MECOM: variants seen among roughly 807,000 people sequenced by gnomAD.
MECOM encodes the protein MDS1 and EVI1 complex locus, also known as histone-lysine N-methyltransferase MECOM.
In MECOM, 13 loss-of-function variants were observed where a neutral mutation model predicts 116.3. That is an observed-to-expected ratio of 0.11 (90% CI 0.07 to 0.18). MECOM has a LOEUF of 0.18. Among genes scored for constraint, MECOM ranks in the 10% least tolerant of loss-of-function variants. MECOM has a pLI of 1.00. For synonymous variants in MECOM, 528 were observed against 535.2 expected (o/e 0.99, Z 0.19); for missense variants, 1,299 against 1,509.0 (o/e 0.86, Z 2.31).
intron 1 of MECOM, among the ~76,000 whole-genome samples, chr3:169,640,470 T>G (rs563574182): frequency 3.3e-5 from 5 of 152,234 alleles, no homozygotes; most frequent in Non-Finnish European, 7.3e-5. Flanking sequence ...GACACTTTAA[T>G]GGAATTTGAG....
intron 2 of MECOM, among the ~76,000 whole-genome samples, chr3:169,264,609 G>T (rs1195354046): frequency 1.3e-5 from 2 of 152,132 alleles, no homozygotes; most frequent in African/African-American, 4.8e-5. Context: ...AGGTAAGAAA[G>T]CAGATACAGA....
intron 1 of MECOM, among the ~76,000 whole-genome samples, chr3:169,581,231 A>G (rs1318102641): frequency 6.6e-6 from 1 of 152,168 alleles, no homozygotes; most frequent in Non-Finnish European, 1.5e-5. Flanking sequence ...AGTCCTGGGA[A>G]AGATGGTTTT....
chr3:169,498,674 G>A (rs1467285840), intron 1 of MECOM, among the ~76,000 whole-genome samples: 1 of 152,096 alleles, frequency 6.6e-6, no homozygotes, highest in Non-Finnish European at 1.5e-5. Flanking sequence ...ATGAATTCAA[G>A]AAAATTCCCA....
At chr3:169,110,380 C>T (rs1486980516) in intron 9 of MECOM, among the ~76,000 whole-genome samples, 1 of 152,126 alleles carries the variant, frequency 6.6e-6, no homozygotes, top group Admixed American at 6.5e-5. Flanking sequence ...AAGCACAATG[C>T]TAAATATGTT....
At chr3:169,341,547 C>T (rs1410143915) in intron 2 of MECOM, among the ~76,000 whole-genome samples, 4 of 151,472 alleles carry the variant, frequency 2.6e-5, no homozygotes, top group Admixed American at 2.6e-4. Context: ...CGAGACCATC[C>T]TGGCCAACAA....
intron 16 of MECOM, among the ~76,000 whole-genome samples, chr3:169,085,682 AT>A (rs1375173334): frequency 6.6e-6 from 1 of 152,208 alleles, no homozygotes; most frequent in African/African-American, 2.4e-5. Flanking sequence ...TACCAAAAAA[AT>A]AAAACCAAAC....
intron 2 of MECOM, among the ~76,000 whole-genome samples, chr3:169,276,344 G>A (rs570107500): frequency 3.4e-4 from 52 of 152,224 alleles, no homozygotes; most frequent in African/African-American, 1.3e-3. Flanking sequence ...CTGAGATCAG[G>A]AATTTGAGAT....
In MECOM at chr3:169,643,180, G is replaced by A. The variant is rs77336769; in HGVS notation, c.37+20156C>T. Among the ~76,000 whole-genome samples the A allele has an allele frequency of 5.4e-3, 824 of 152,260 alleles. 2 individuals carry two copies. The highest frequency in any genetic ancestry group is 0.014 in the Middle Eastern group (4 of 294). ...AACAAACTCTGAAGCAAACCAGATT[G>A]TCATTTTTTTCTCAGGGAGCCTAAT... On this transcript the variant is annotated intron_variant, in intron 1 of 16. Coordinates refer to ENST00000651503, the MANE Select transcript of MECOM (RefSeq NM_004991.4).
chr3:169,527,039 A>G (rs1181827149), intron 1 of MECOM, among the ~76,000 whole-genome samples: 1 of 152,234 alleles, frequency 6.6e-6, no homozygotes, highest in Admixed American at 6.5e-5. Flanking sequence ...GTGAGCTGTT[A>G]AGAATGGAAA....
At chr3:169,115,285 A>C in intron 8 of MECOM, 98 bp downstream of exon 8, 3 of 1,245,410 alleles carry the variant, frequency 2.4e-6, no homozygotes, top group Non-Finnish European at 2.2e-6. Context: ...GTTTTATAAT[A>C]ATAGTAAAAA....
At chr3:169,441,623 T>A (rs1743686176) in intron 1 of MECOM, among the ~76,000 whole-genome samples, 1 of 152,136 alleles carries the variant, frequency 6.6e-6, no homozygotes. Context: ...GTTGCTACAA[T>A]GGACTTGTCT....
intron 1 of MECOM, among the ~76,000 whole-genome samples, chr3:169,631,072 G>A (rs1035544217): frequency 6.6e-6 from 1 of 152,226 alleles, no homozygotes; most frequent in African/African-American, 2.4e-5. Flanking sequence ...GCTCTGCAGT[G>A]GTGGAGCACA....
intron 3 of MECOM, among the ~76,000 whole-genome samples, chr3:169,132,228 A>G (rs1266773338): frequency 6.6e-6 from 1 of 152,130 alleles, no homozygotes; most frequent in Non-Finnish European, 1.5e-5. Flanking sequence ...TTTCTAGCAA[A>G]GTGCTGAGGA....
chr3:169,602,230 A>G (rs894746735), intron 1 of MECOM, among the ~76,000 whole-genome samples: 3 of 152,256 alleles, frequency 2.0e-5, no homozygotes, highest in African/African-American at 7.2e-5. Context: ...AGTAGCCAGC[A>G]GCCAACTTTC....
At chr3:169,580,829 G>GTGTTT (rs377091647) in intron 1 of MECOM, among the ~76,000 whole-genome samples, 11 of 152,294 alleles carry the variant, frequency 7.2e-5, no homozygotes, top group South Asian at 2.1e-4. Context: ...TTGTTAAATT[G>GTGTTT]TGTTTTGTTT....
intron 1 of MECOM, among the ~76,000 whole-genome samples, chr3:169,422,192 C>A (rs952417613): frequency 6.6e-6 from 1 of 152,010 alleles, no homozygotes; most frequent in Admixed American, 6.6e-5. Context: ...AGACTTTATT[C>A]ACATCCCTTT....
At chr3:169,291,662 A>G (rs1171892948) in intron 2 of MECOM, among the ~76,000 whole-genome samples, 2 of 152,222 alleles carry the variant, frequency 1.3e-5, no homozygotes, top group South Asian at 2.1e-4. Flanking sequence ...TCATTGTTAT[A>G]GCATCTATTA....
At chr3:169,541,932 C>T (rs1318556187) in intron 1 of MECOM, among the ~76,000 whole-genome samples, 2 of 152,160 alleles carry the variant, frequency 1.3e-5, no homozygotes, top group African/African-American at 4.8e-5. Context: ...ACGGTATTTA[C>T]ATAGATATAT....
intron 2 of MECOM, among the ~76,000 whole-genome samples, chr3:169,321,875 T>C (rs891263049): frequency 7.2e-5 from 11 of 152,166 alleles, no homozygotes; most frequent in African/African-American, 2.7e-4. Context: ...ATGGTTGCTG[T>C]CCTAATTAAA....
Sources: gnomAD v4.1 joint callset for allele counts (sites outside exome capture counted in the v4.1 genomes callset) on GRCh38, gnomAD v4.1.1 for gene constraint, MANE v1.5 for transcripts, NCBI Gene and HGNC (gene_info 2026-07-23, HGNC 2026-07-21) for gene names.